The following SNX16 variants were observed in gnomAD, a reference collection of about 807,000 sequenced individuals.
SNX16 encodes the protein sorting nexin-16.
A neutral mutation model predicts 36.7 loss-of-function variants in SNX16; 35 were observed. That is an observed-to-expected ratio of 0.95 (90% CI 0.73 to 1.27). The LOEUF (loss-of-function observed/expected upper bound fraction) is 1.27. Among genes scored for constraint, SNX16 ranks in the 50% most tolerant of loss-of-function variants. The probability of loss-of-function intolerance (pLI) is 0.00; values close to 1 mark genes in which losing one functional copy is unlikely to be tolerated. For missense variants in SNX16, 367 were observed against 393.6 expected (o/e 0.93, Z 0.57); for synonymous variants, 134 against 132.0 (o/e 1.02, Z -0.10).
At chr8:81,810,873 T>C (rs1173047957) in intron 5 of SNX16, among the ~76,000 whole-genome samples, 1 of 152,184 alleles carries the variant, frequency 6.6e-6, no homozygotes, top group Non-Finnish European at 1.5e-5. Flanking sequence ...TAAATGCCGA[T>C]AGAGTGTATG....
intron 1 of SNX16, among the ~76,000 whole-genome samples, chr8:81,841,475 A>C (rs1821696692): frequency 6.6e-6 from 1 of 151,944 alleles, no homozygotes; most frequent in Non-Finnish European, 1.5e-5. Context: ...AAAAACAAGT[A>C]AGTCTGAAAT....
At position 81,829,474 on chromosome 8, in the gene SNX16, C is replaced by A; in HGVS notation, c.418G>T (p.Val140Leu). The change falls in exon 3 of 8, where the codon GTA (valine) becomes TTA (leucine). Residue 140 changes from valine (V) to leucine (L), a missense_variant. By Grantham distance (32) the Val-to-Leu change is conservative. Transcript: ENST00000345957. ...AAGTCAGTGTATCTTCTGAAAACTA[C>A]CCAGCTTTCTTCTGGGGTTTTCTTT... Reference protein sequence around the residue: ...LVKKTPEESWVVFRRYTDFSR... With the variant: ...LVKKTPEESWLVFRRYTDFSR... 1 of 1,432,018 alleles carries A rather than the reference C, an allele frequency of 7.0e-7. No individual in the cohort carries two copies. The highest frequency in any genetic ancestry group is 9.2e-7 in the Non-Finnish European group (1 of 1,091,276). 88.7% of individuals were successfully genotyped at this position (1,432,018 alleles called of 1,614,324 possible).
At chr8:81,831,578 A>G (rs1204738113) in intron 2 of SNX16, among the ~76,000 whole-genome samples, 1 of 151,724 alleles carries the variant, frequency 6.6e-6, no homozygotes, top group Non-Finnish European at 1.5e-5. Context: ...GGTGCCTGTA[A>G]TCCCAGCTAC....
chr8:81,829,654 T>C, intron 2 of SNX16, 138 bp from the exon 3 acceptor site: 1 of 380,850 alleles, frequency 2.6e-6, no homozygotes, highest in African/African-American at 2.1e-5. Context: ...TCAAAAATCA[T>C]TTAAATTATC....
intron 1 of SNX16, among the ~76,000 whole-genome samples, chr8:81,840,740 C>T (rs1039718700): frequency 1.9e-4 from 29 of 152,156 alleles, no homozygotes; most frequent in Non-Finnish European, 2.9e-5. Flanking sequence ...TTCTTCACAG[C>T]TTACAGGTCA....
intron 5 of SNX16, chr8:81,808,456 C>A: frequency 9.5e-7 from 1 of 1,055,732 alleles, no homozygotes; most frequent in Non-Finnish European, 1.5e-6. Flanking sequence ...GGTGGCTTTG[C>A]TGACAGCTGT....
At chr8:81,806,370 C>T (rs1029061036) in intron 5 of SNX16, among the ~76,000 whole-genome samples, 8 of 152,056 alleles carry the variant, frequency 5.3e-5, no homozygotes, top group Non-Finnish European at 1.2e-4. Flanking sequence ...AACTGAAAAT[C>T]TATGAATGTA....
intron 3 of SNX16, among the ~76,000 whole-genome samples, chr8:81,826,849 T>C (rs1811042316): frequency 6.6e-6 from 1 of 152,204 alleles, no homozygotes; most frequent in Admixed American, 6.6e-5. Flanking sequence ...TCCTTAAAGT[T>C]AGAATCACAT....
At chr8:81,825,864 T>C (rs1810993412) in intron 3 of SNX16, among the ~76,000 whole-genome samples, 1 of 152,080 alleles carries the variant, frequency 6.6e-6, no homozygotes, top group Non-Finnish European at 1.5e-5. Flanking sequence ...GATTTCAAGA[T>C]GTAATTAGAT....
At chr8:81,835,573 T>C (rs1036465960) in intron 2 of SNX16, among the ~76,000 whole-genome samples, 1 of 152,226 alleles carries the variant, frequency 6.6e-6, no homozygotes, top group African/African-American at 2.4e-5. Flanking sequence ...AGAAATTTCT[T>C]CCGCCAGATA....
At position 81,800,484 on chromosome 8, in the gene SNX16, C is replaced by G. The variant is rs1416468244; in HGVS notation, c.*1013G>C. 1 of 152,058 alleles carries G rather than the reference C, an allele frequency of 6.6e-6. No homozygotes were observed. Among genetic ancestry groups the G allele is most frequent in the Admixed American group, 6.6e-5 (1 of 15,230 alleles). The allele number at this position is 152,058 out of a possible 1,614,324, so 9.4% of individuals were successfully genotyped here. On this transcript the variant is annotated 3_prime_UTR_variant, in exon 8 of 8. Transcript: ENST00000345957. ...TCCTAACTCTACTTACTAAAAAAAT[C>G]CACCAATTAAACTTGGCACAAAAGA... is the stretch of plus-strand genomic sequence containing the variant.
chr8:81,809,797 T>C (rs889651954), intron 5 of SNX16, among the ~76,000 whole-genome samples: 2 of 152,090 alleles, frequency 1.3e-5, no homozygotes, highest in South Asian at 2.1e-4. Context: ...AAGAGGAGAA[T>C]ATCTAACAAT....
At chr8:81,827,185 A>G (rs1161491732) in intron 3 of SNX16, among the ~76,000 whole-genome samples, 2 of 152,160 alleles carry the variant, frequency 1.3e-5, no homozygotes, top group Non-Finnish European at 1.5e-5. Flanking sequence ...AACTCCTATC[A>G]TCTTTTTTCT....
At chr8:81,839,527 TTTACA>T (rs1472472440) in intron 2 of SNX16, 80 bp downstream of exon 2, 75 of 1,269,606 alleles carry the variant, frequency 5.9e-5, no homozygotes, top group Middle Eastern at 5.6e-4. Context: ...TAAGTACAAG[TTTACA>T]TTAATTTAAC....
chr8:81,824,662 A>G (rs148697183), intron 3 of SNX16, among the ~76,000 whole-genome samples: 1,804 of 152,152 alleles, frequency 0.012, 29 homozygotes, highest in African/African-American at 0.042. Context: ...TTACTTTCTT[A>G]GGGAAGACTT....
chr8:81,836,896 C>T (rs1271183405), intron 2 of SNX16, among the ~76,000 whole-genome samples: 1 of 152,162 alleles, frequency 6.6e-6, no homozygotes, highest in African/African-American at 2.4e-5. Context: ...GCCTCCTTCC[C>T]TATGTGATCT....
chr8:81,827,113 C>T (rs1013507375), intron 3 of SNX16, among the ~76,000 whole-genome samples: 1 of 152,046 alleles, frequency 6.6e-6, no homozygotes, highest in African/African-American at 2.4e-5. Flanking sequence ...CCAACATAAA[C>T]ACTTATTAAT....
chr8:81,800,262 A>G lies in SNX16; in HGVS notation c.*1235T>C, dbSNP rs772127324. On this transcript the variant is annotated 3_prime_UTR_variant, in exon 8 of 8. Transcript: ENST00000345957. ...GGGATTGCAAAATGCCAGCATGATT[A>G]CAATGCTTATTAACAGCAATATGCA... 13 of 151,934 alleles carry G rather than the reference A, an allele frequency of 8.6e-5. No individual in the cohort carries two copies. The highest frequency in any genetic ancestry group is 1.3e-4 in the Non-Finnish European group (9 of 67,780). 9.4% of individuals were successfully genotyped at this position (151,934 alleles called of 1,614,324 possible). A position where few individuals can be genotyped will look rare whatever the true frequency, so the allele number is the denominator to read the frequency against.
intron 5 of SNX16, among the ~76,000 whole-genome samples, chr8:81,812,493 G>A (rs1029550727): frequency 6.6e-6 from 1 of 151,842 alleles, no homozygotes; most frequent in Non-Finnish European, 1.5e-5. Flanking sequence ...AGAAATAATA[G>A]GGGCCAGAAG....
Sources: gnomAD v4.1 joint callset for allele counts (sites outside exome capture counted in the v4.1 genomes callset) on GRCh38, gnomAD v4.1.1 for gene constraint, MANE v1.5 for transcripts, NCBI Gene and HGNC (gene_info 2026-07-23, HGNC 2026-07-21) for gene names.